The following PRPF18 variants were observed in gnomAD, a reference collection of about 807,000 sequenced individuals.
PRPF18 encodes pre-mRNA processing factor 18.
Under a neutral mutation model 46.5 loss-of-function variants are expected in PRPF18, and 38 were observed. The ratio of observed to expected loss-of-function variants is 0.82; its 90% CI spans 0.63 to 1.07. PRPF18 has a LOEUF of 1.07. PRPF18 is among the 50% of genes least tolerant of loss of function. PRPF18 has a pLI of 0.00. For synonymous variants in PRPF18, 152 were observed against 146.7 expected, an observed-to-expected ratio of 1.04 and a Z score of -0.26; for missense variants, 263 against 410.0, an observed-to-expected ratio of 0.64 and a Z score of 3.10.
intron 1 of PRPF18, among the ~76,000 whole-genome samples, chr10:13,587,898 G>C (rs2079900425): frequency 6.6e-6 from 1 of 152,068 alleles, no homozygotes; most frequent in Non-Finnish European, 1.5e-5. Flanking sequence ...TTACACTCAC[G>C]GCCTTCTTTC....
At chr10:13,609,713 G>A (rs970777556) in intron 4 of PRPF18, among the ~76,000 whole-genome samples, 13 of 152,168 alleles carry the variant, frequency 8.5e-5, no homozygotes, top group African/African-American at 3.1e-4. Flanking sequence ...ATGGAGACCT[G>A]CCACTGTCAC....
At chr10:13,600,092 A>G (rs2080084790) in intron 2 of PRPF18, 152 bp from the exon 3 acceptor site, 1 of 572,096 alleles carries the variant, frequency 1.7e-6, no homozygotes, top group Non-Finnish European at 2.9e-6. Context: ...TTTTGTAAGC[A>G]TGTACACTTA....
chr10:13,626,058 C>T (rs1315245169), intron 9 of PRPF18, among the ~76,000 whole-genome samples: 1 of 152,188 alleles, frequency 6.6e-6, no homozygotes. Context: ...GAAGTGAGTT[C>T]TCAAGGTCAC....
the PRPF18 span, among the ~76,000 whole-genome samples, chr10:13,650,073 TGCAAAGGGTACTG>T: frequency 2.0e-5 from 3 of 152,202 alleles, no homozygotes; most frequent in Non-Finnish European, 4.4e-5. Flanking sequence ...ATGTGTGGCC[TGCAAAGGGTACTG>T]GCTAAGCCAG....
At chr10:13,638,184 A>G in the PRPF18 span, 1 of 152,148 alleles carries the variant, frequency 6.6e-6, no homozygotes, top group African/African-American at 2.4e-5. Flanking sequence ...TAGCTGACAT[A>G]CATACTTTGT....
the PRPF18 span, among the ~76,000 whole-genome samples, chr10:13,637,476 T>G: frequency 6.6e-6 from 1 of 152,362 alleles, no homozygotes; most frequent in Non-Finnish European, 1.5e-5. Flanking sequence ...GGATGTTATC[T>G]TTTGTGAAGC....
chr10:13,631,861 C>T (rs577704660), downstream of PRPF18: 2 of 152,406 alleles, frequency 1.3e-5, no homozygotes, highest in African/African-American at 4.8e-5. Flanking sequence ...TCTGGTTCCT[C>T]TTGGGAGGTT....
chr10:13,651,303 T>G, the PRPF18 span: 2 of 152,540 alleles, frequency 1.3e-5, no homozygotes, highest in Non-Finnish European at 2.9e-5. Flanking sequence ...CTGGGGGTGC[T>G]TCTGGAGCCA....
chr10:13,598,814 C>G (rs2080068676), intron 2 of PRPF18, among the ~76,000 whole-genome samples: 1 of 152,176 alleles, frequency 6.6e-6, no homozygotes, highest in African/African-American at 2.4e-5. Context: ...TAGGTTTACT[C>G]TGCTGGCTTG....
chr10:13,601,319 C>T (rs1274042165), intron 3 of PRPF18, among the ~76,000 whole-genome samples: 1 of 152,120 alleles, frequency 6.6e-6, no homozygotes, highest in East Asian at 1.9e-4. Context: ...ACTTTATACT[C>T]CTAGCTGTTG....
chr10:13,587,013 C>A lies in PRPF18; in HGVS notation c.-74C>A, dbSNP rs1298698169. 6.7e-7 allele frequency: 1 copy of A among 1,491,416 alleles called. No individual in the cohort carries two copies. The highest frequency in any genetic ancestry group is 9.4e-7 in the Non-Finnish European group (1 of 1,068,540). The allele number at this position is 1,491,416 out of a possible 1,614,324, so 92.4% of individuals were successfully genotyped here. A position where few individuals can be genotyped will look rare whatever the true frequency, so the allele number is the denominator to read the frequency against. On this transcript the variant is annotated 5_prime_UTR_variant, in exon 1 of 10. Transcript: ENST00000378572. ...TGTTGTTCCGTATACTCAGTGGGTT[C>A]GCGGCCGCCGGCCCAGTGAGGCTGG...
chr10:13,611,746 T>A, intron 6 of PRPF18, 63 bp downstream of exon 6: 1 of 1,477,968 alleles, frequency 6.8e-7, no homozygotes, highest in Non-Finnish European at 9.4e-7. Context: ...CTTATATTTT[T>A]GGATTACCAA....
intron 1 of PRPF18, 142 bp from the exon 2 acceptor site, chr10:13,597,316 C>A: frequency 1.6e-6 from 1 of 612,238 alleles, no homozygotes; most frequent in Non-Finnish European, 2.7e-6. Flanking sequence ...GTATTCATCT[C>A]TGGAACCAAA....
downstream of PRPF18, chr10:13,630,969 A>G (rs1449368316): frequency 6.6e-6 from 1 of 152,272 alleles, no homozygotes; most frequent in African/African-American, 2.4e-5. Context: ...TACAATTAAT[A>G]GGAAATAGAA....
At chr10:13,601,223 A>G (rs778223815) in intron 3 of PRPF18, among the ~76,000 whole-genome samples, 4 of 152,220 alleles carry the variant, frequency 2.6e-5, no homozygotes, top group Admixed American at 6.5e-5. Context: ...TTCTAGAAGC[A>G]TGATTTTTAG....
Position 13,604,125 on chromosome 10 carries a change from G to C in PRPF18, c.250-1506G>C, listed in dbSNP as rs146506503. On this transcript the variant is annotated intron_variant, in intron 3 of 9. Transcript: ENST00000378572. ...ATTTGTCAGCCAGGGATCTGACAAG[G>C]GTGTTTGTGAGGTCATTTCTGCATT... Among the ~76,000 whole-genome samples, 186 of 152,254 alleles carry C rather than the reference G, an allele frequency of 1.2e-3. 4 individuals are homozygous for C. The East Asian group carries it at 0.03, about 24-fold the overall frequency.
chr10:13,594,788 A>G (rs2478113), intron 1 of PRPF18, among the ~76,000 whole-genome samples: 3,020 of 152,270 alleles, frequency 0.02, 115 homozygotes, highest in African/African-American at 0.069. Flanking sequence ...GGTAAATACT[A>G]TCATTGTTTT....
chr10:13,623,140 G>T (rs369677937), intron 9 of PRPF18, among the ~76,000 whole-genome samples: 4 of 152,172 alleles, frequency 2.6e-5, no homozygotes, highest in African/African-American at 9.7e-5. Context: ...GGCGGAGGTT[G>T]CAGTGAGCCG....
chr10:13,587,275 G>A (rs1203130372), intron 1 of PRPF18, 123 bp downstream of exon 1: 16 of 1,034,692 alleles, frequency 1.5e-5, no homozygotes, highest in Non-Finnish European at 2.1e-5. Context: ...CGAGTGTCCT[G>A]CCACTACCCC....
Sources: gnomAD v4.1 joint callset for allele counts (sites outside exome capture counted in the v4.1 genomes callset) on GRCh38, gnomAD v4.1.1 for gene constraint, MANE v1.5 for transcripts, NCBI Gene and HGNC (gene_info 2026-07-23, HGNC 2026-07-21) for gene names.